Variants in DPP6 observed in about 807,000 individuals in gnomAD.
DPP6 encodes dipeptidyl peptidase like 6, also known as A-type potassium channel modulatory protein DPP6.
DPP6 carries 69 observed loss-of-function variants against 122.6 expected under a neutral mutation model. The ratio of observed to expected loss-of-function variants is 0.56; its 90% CI spans 0.46 to 0.69. The LOEUF (loss-of-function observed/expected upper bound fraction) is 0.69, where lower values mean the gene tolerates loss of function less well. DPP6 is among the 30% of genes least tolerant of loss of function. The pLI is 0.00. For synonymous variants in DPP6, 418 were observed against 433.1 expected, an observed-to-expected ratio of 0.97 and a Z score of 0.43; for missense variants, 928 against 1,116.9, an observed-to-expected ratio of 0.83 and a Z score of 2.41.
chr7:153,827,829 C>T, the DPP6 span, among the ~76,000 whole-genome samples: 28 of 152,160 alleles, frequency 1.8e-4, no homozygotes, highest in Non-Finnish European at 8.8e-5. Flanking sequence ...CTGCGCTCCC[C>T]GTGGTGTCAA....
At chr7:154,489,101 C>T (rs565850357) in intron 3 of DPP6, among the ~76,000 whole-genome samples, 58 of 152,292 alleles carry the variant, frequency 3.8e-4, no homozygotes, top group African/African-American at 1.3e-3. Context: ...TTAAGAGAAC[C>T]TTTCCTTGAC....
chr7:153,984,476 C>G (rs1438144297), intron 1 of DPP6, among the ~76,000 whole-genome samples: 1 of 152,200 alleles, frequency 6.6e-6, no homozygotes, highest in Admixed American at 6.5e-5. Flanking sequence ...CTTGCAAATT[C>G]TGGTATCCTA....
chr7:154,213,714 T>A (rs2150813470), intron 1 of DPP6, among the ~76,000 whole-genome samples: 1 of 152,260 alleles, frequency 6.6e-6, no homozygotes, highest in East Asian at 1.9e-4. Context: ...ACCCTGTGAC[T>A]GATCCCCACA....
intron 1 of DPP6, among the ~76,000 whole-genome samples, chr7:154,398,153 A>G (rs1262683581): frequency 6.6e-6 from 1 of 152,166 alleles, no homozygotes; most frequent in African/African-American, 2.4e-5. Flanking sequence ...TTGAGACAGT[A>G]TATTGAGCAT....
At chr7:154,240,155 A>G (rs544044646) in intron 1 of DPP6, among the ~76,000 whole-genome samples, 1 of 152,002 alleles carries the variant, frequency 6.6e-6, no homozygotes, top group Admixed American at 6.6e-5. Flanking sequence ...TGTAATTATT[A>G]TCTTTGTTGT....
chr7:154,317,918 T>C (rs1379196145), intron 1 of DPP6, among the ~76,000 whole-genome samples: 1 of 152,198 alleles, frequency 6.6e-6, no homozygotes, highest in Non-Finnish European at 1.5e-5. Flanking sequence ...GGCTTGTATA[T>C]TTTGCGAACC....
At chr7:153,748,155 G>A in the DPP6 span, among the ~76,000 whole-genome samples, 1 of 152,222 alleles carries the variant, frequency 6.6e-6, no homozygotes, top group African/African-American at 2.4e-5. Flanking sequence ...TCCCTCAGCT[G>A]TAGCTCGTGC....
Position 154,602,705 on chromosome 7 carries a change from A to C in DPP6, c.628-35116A>C. ...CTCGGCCTCCCAAAGTTTTGGGATT[A>C]GAGGTGTGAGCCAGCATGCCTGGCC... On this transcript the variant is annotated intron_variant, in intron 5 of 25. Coordinates refer to ENST00000377770, the MANE Select transcript of DPP6 (RefSeq NM_130797.4). Among the ~76,000 whole-genome samples, 2 of 117,180 alleles carry C rather than the reference A, an allele frequency of 1.7e-5. 1 individual carries two copies. The highest frequency in any genetic ancestry group is 3.8e-5 in the Non-Finnish European group (2 of 52,680). 76.9% of individuals were successfully genotyped at this position (117,180 alleles called of 152,430 possible).
chr7:154,715,463 C>T (rs905660983), intron 7 of DPP6, among the ~76,000 whole-genome samples: 1 of 152,216 alleles, frequency 6.6e-6, no homozygotes, highest in Admixed American at 6.5e-5. Context: ...GAATCACACA[C>T]TTGTACAATT....
chr7:154,362,564 T>C (rs1344706971), intron 1 of DPP6, among the ~76,000 whole-genome samples: 1 of 151,354 alleles, frequency 6.6e-6, no homozygotes. Context: ...ACAGGTGTGC[T>C]TTATGATGCC....
chr7:154,367,262 CAGCCAT>C (rs924571720), intron 1 of DPP6, among the ~76,000 whole-genome samples: 4 of 152,218 alleles, frequency 2.6e-5, no homozygotes, highest in African/African-American at 7.2e-5. Flanking sequence ...GTCCCCTTGC[CAGCCAT>C]AGGAGACATT....
chr7:153,888,625 C>T (rs1321684819), intron 1 of DPP6, among the ~76,000 whole-genome samples: 2 of 150,768 alleles, frequency 1.3e-5, no homozygotes, highest in East Asian at 3.9e-4. Context: ...TGTGTGCCTT[C>T]GTGTGTTTAT....
intron 2 of DPP6, among the ~76,000 whole-genome samples, chr7:154,451,176 C>T (rs1820334049): frequency 6.6e-6 from 1 of 151,986 alleles, no homozygotes; most frequent in Admixed American, 6.5e-5. Context: ...GCCTGGCCAA[C>T]ACAGTGAAAC....
rs147069474 is a variant in DPP6, at chr7:154,231,319, T to C, written c.243+178256T>C. Reference sequence around the variant, plus strand: ...GAGGCTGAGAAATACTGGGCTATTGTGAATGGGAAATGAGAGTTCTTACAG... The same window carrying C: ...GAGGCTGAGAAATACTGGGCTATTGCGAATGGGAAATGAGAGTTCTTACAG... On this transcript the variant is annotated intron_variant, in intron 1 of 25. Coordinates refer to ENST00000377770, the MANE Select transcript of DPP6 (RefSeq NM_130797.4). Among the ~76,000 whole-genome samples, 1,091 of 152,260 alleles carry C rather than the reference T, an allele frequency of 7.2e-3. 6 individuals carry two copies. Among genetic ancestry groups the C allele is most frequent in the Non-Finnish European group, 0.011 (762 of 68,024 alleles).
intron 7 of DPP6, among the ~76,000 whole-genome samples, chr7:154,694,942 T>G (rs1242883084): frequency 6.6e-6 from 1 of 152,180 alleles, no homozygotes; most frequent in Admixed American, 6.5e-5. Context: ...CTTCTGAATC[T>G]CATCTTATGA....
chr7:154,469,645 C>A (rs891732835), intron 2 of DPP6, among the ~76,000 whole-genome samples: 12 of 152,120 alleles, frequency 7.9e-5, no homozygotes, highest in African/African-American at 2.7e-4. Context: ...GATGGTACAG[C>A]ATGATATAAA....
At chr7:153,897,329 G>C (rs1030440355) in intron 1 of DPP6, among the ~76,000 whole-genome samples, 21 of 152,152 alleles carry the variant, frequency 1.4e-4, no homozygotes, top group Non-Finnish European at 2.8e-4. Flanking sequence ...GAAGATGGGG[G>C]AGAAAAATAA....
chr7:154,771,040 A>G (rs1034177808), intron 9 of DPP6, among the ~76,000 whole-genome samples: 4 of 152,226 alleles, frequency 2.6e-5, no homozygotes, highest in African/African-American at 7.2e-5. Flanking sequence ...GCCAGGGGGC[A>G]TTTAAACCTC....
rs181364315 is a variant in DPP6 at position 154,813,372 on chromosome 7, C to T, written c.1666+6260C>T. Among the ~76,000 whole-genome samples, 202 of 152,110 alleles carry T rather than the reference C, an allele frequency of 1.3e-3. 1 individual carries two copies. Among genetic ancestry groups the T allele is most frequent in the African/African-American group, 4.2e-3 (175 of 41,480 alleles). On this transcript the variant is annotated intron_variant, in intron 16 of 25. Coordinates refer to ENST00000377770, the MANE Select transcript of DPP6 (RefSeq NM_130797.4). ...TGCTGGGATTACAGGCATGAGCCAC[C>T]GTGCCTGGCCAATTCCTTAATTTTT...
Sources: gnomAD v4.1 joint callset for allele counts (sites outside exome capture counted in the v4.1 genomes callset) on GRCh38, gnomAD v4.1.1 for gene constraint, MANE v1.5 for transcripts, NCBI Gene and HGNC (gene_info 2026-07-23, HGNC 2026-07-21) for gene names.